The following TRIP12 variants were observed in gnomAD, a reference collection of about 807,000 sequenced individuals.
TRIP12 encodes the protein E3 ubiquitin-protein ligase TRIP12.
A neutral mutation model predicts 244.2 loss-of-function variants in TRIP12; 25 were observed. The ratio of observed to expected loss-of-function variants is 0.10; its 90% CI spans 0.07 to 0.14. The LOEUF is 0.14. TRIP12 is among the 10% of genes least tolerant of loss of function. TRIP12 has a pLI of 1.00. For synonymous variants in TRIP12, 905 were observed against 873.1 expected, an observed-to-expected ratio of 1.04 and a Z score of -0.64; for missense variants, 1,677 against 2,486.4, an observed-to-expected ratio of 0.67 and a Z score of 6.92.
chr2:229,813,553 G>A (rs1348041838), intron 13 of TRIP12, among the ~76,000 whole-genome samples: 1 of 152,192 alleles, frequency 6.6e-6, no homozygotes, highest in East Asian at 1.9e-4. Context: ...GGGGGCTGAG[G>A]TGGGTGGATC....
chr2:229,791,262 A>G lies in TRIP12; in HGVS notation c.4416-11T>C, dbSNP rs2041450239. Reference sequence around the variant, plus strand: ...CTCACAGGTTTATACCTAAAATGACAAGACAGTATATAAACCAAATGTAGA... The same window carrying G: ...CTCACAGGTTTATACCTAAAATGACGAGACAGTATATAAACCAAATGTAGA... On this transcript the variant is annotated splice_polypyrimidine_tract_variant and intron_variant, in intron 29 of 41. Transcript: ENST00000675903. The G allele has an allele frequency of 6.2e-7, 1 of 1,613,704 alleles. No homozygotes were observed. Among genetic ancestry groups the G allele is most frequent in the African/African-American group, 1.3e-5 (1 of 74,900 alleles).
chr2:229,800,219 T>C (rs2043919709), intron 21 of TRIP12, among the ~76,000 whole-genome samples: 1 of 152,196 alleles, frequency 6.6e-6, no homozygotes, highest in Admixed American at 6.5e-5. Context: ...ACTAAATAAA[T>C]GCATTTATGA....
At chr2:229,771,710 G>T in intron 38 of TRIP12, 78 bp from the exon 39 acceptor site, 1 of 998,500 alleles carries the variant, frequency 1.0e-6, no homozygotes, top group Non-Finnish European at 1.6e-6. Context: ...AAAGTACAGT[G>T]AAACACCCTT....
At chr2:229,785,960 G>C in intron 33 of TRIP12, 105 bp from the exon 34 acceptor site, 1 of 998,434 alleles carries the variant, frequency 1.0e-6, no homozygotes, top group East Asian at 2.6e-5. Context: ...CAACTCAATT[G>C]TTAACACTTA....
chr2:229,888,617 A>C (rs1272311485), intron 1 of TRIP12, among the ~76,000 whole-genome samples: 1 of 152,102 alleles, frequency 6.6e-6, no homozygotes, highest in Non-Finnish European at 1.5e-5. Flanking sequence ...CAGCCTGGGC[A>C]ACATGGCAAA....
chr2:229,780,803 G>GT (rs1256390195), intron 34 of TRIP12, among the ~76,000 whole-genome samples: 1 of 152,180 alleles, frequency 6.6e-6, no homozygotes, highest in Non-Finnish European at 1.5e-5. Context: ...GAATGTGTGT[G>GT]TATGTATTGG....
At position 229,903,010 on chromosome 2, in the gene TRIP12, CTTT is replaced by C. The variant is rs796575993; in HGVS notation, c.-50+18867_-50+18869del. ...TGTGTGCGGGTTTTTTTTTCTTTTT[CTTT>C]TTTTCTTTTTTTTTTTTTTTTTTGC... On this transcript the variant is annotated intron_variant, in intron 1 of 41. Coordinates refer to ENST00000675903, the MANE Select transcript of TRIP12 (RefSeq NM_001348323.3). Among the ~76,000 whole-genome samples, 180 of 25,644 alleles carry C rather than the reference CTTT, an allele frequency of 7.0e-3. 1 individual carries two copies. The highest frequency in any genetic ancestry group is 0.016 in the South Asian group (9 of 550). 16.8% of individuals were successfully genotyped at this position (25,644 alleles called of 152,430 possible).
chr2:229,830,846 G>T lies in TRIP12; in HGVS notation c.1271-7C>A, dbSNP rs1388460148. The T allele has an allele frequency of 6.2e-7, 1 of 1,613,896 alleles. No individual in the cohort carries two copies. The highest frequency in any genetic ancestry group is 1.3e-5 in the African/African-American group (1 of 74,934). ...CCTGCAACAGAACTAGAGGCTTGGG[G>T]TGGAGGGGAAAGATGAGGGTTAGGA... On this transcript the variant is annotated splice_region_variant and splice_polypyrimidine_tract_variant and intron_variant, in intron 6 of 41. Transcript: ENST00000675903.
chr2:229,849,863 A>G (rs190212101), intron 4 of TRIP12, among the ~76,000 whole-genome samples: 6 of 152,204 alleles, frequency 3.9e-5, no homozygotes, highest in Non-Finnish European at 8.8e-5. Context: ...AAGGTCTTAT[A>G]TAACTCTTTC....
At chr2:229,897,861 C>T (rs921088069) in intron 1 of TRIP12, among the ~76,000 whole-genome samples, 2 of 152,170 alleles carry the variant, frequency 1.3e-5, no homozygotes, top group African/African-American at 4.8e-5. Context: ...CCTATGAATG[C>T]TGCAACATAA....
At chr2:229,784,795 T>C (rs766986087) in intron 34 of TRIP12, among the ~76,000 whole-genome samples, 2 of 152,208 alleles carry the variant, frequency 1.3e-5, no homozygotes, top group Non-Finnish European at 2.9e-5. Flanking sequence ...TGAGAAGCAA[T>C]TGAACTCGCA....
At chr2:229,900,136 A>T (rs1422198257) in intron 1 of TRIP12, among the ~76,000 whole-genome samples, 1 of 152,250 alleles carries the variant, frequency 6.6e-6, no homozygotes, top group Non-Finnish European at 1.5e-5. Flanking sequence ...ACTGTTATAC[A>T]AAGGAAGCTC....
chr2:229,796,161 G>A (rs1271779321), intron 25 of TRIP12, among the ~76,000 whole-genome samples: 2 of 152,168 alleles, frequency 1.3e-5, no homozygotes, highest in African/African-American at 2.4e-5. Flanking sequence ...GTCATTAAGC[G>A]CCCTTGATTG....
chr2:229,771,742 A>G, intron 38 of TRIP12, 110 bp from the exon 39 acceptor site: 1 of 718,082 alleles, frequency 1.4e-6, no homozygotes, highest in Non-Finnish European at 2.3e-6. Flanking sequence ...TATAAAGAAC[A>G]AACAAGTTAT....
Position 229,917,419 on chromosome 2 carries a change from A to T in TRIP12, c.-50+4461T>A, listed in dbSNP as rs796258344. Reference sequence around the variant, plus strand: ...AAAAAAAAAAAAAAAAAAAAAAAAAATTACCAAGCACTAAGATTATATACA... The same window carrying T: ...AAAAAAAAAAAAAAAAAAAAAAAAATTTACCAAGCACTAAGATTATATACA... On this transcript the variant is annotated intron_variant, in intron 1 of 41. Transcript: ENST00000675903. 9.2e-5 allele frequency among the ~76,000 whole-genome samples: 13 copies of T among 140,996 alleles called. No homozygotes were observed. In the East Asian group the frequency reaches 2.5e-3, roughly 27 times the overall value. The allele number at this position is 140,996 out of a possible 152,430, so 92.5% of individuals were successfully genotyped here.
intron 8 of TRIP12, among the ~76,000 whole-genome samples, chr2:229,827,274 C>T (rs576147569): frequency 2.0e-5 from 3 of 149,452 alleles, no homozygotes; most frequent in South Asian, 2.1e-4. Flanking sequence ...AGCAAAACTC[C>T]GTCTCAAAAA....
In TRIP12 at chr2:229,764,658, C is replaced by CA. The variant is rs1316413916; in HGVS notation, c.*2895dup. 2.0e-5 allele frequency: 3 copies of CA among 152,230 alleles called. No homozygotes were observed. Among genetic ancestry groups the CA allele is most frequent in the African/African-American group, 7.2e-5 (3 of 41,466 alleles). The allele number at this position is 152,230 out of a possible 1,614,324, so 9.4% of individuals were successfully genotyped here. On this transcript the variant is annotated 3_prime_UTR_variant, in exon 42 of 42. Coordinates refer to ENST00000675903, the MANE Select transcript of TRIP12 (RefSeq NM_001348323.3). ...CGCGACAGTCCTCAGTGTGGAAAAT[C>CA]AAGAGTTGTGGATCTAATTTCTTGG...
Position 229,796,765 on chromosome 2 carries a change from C to T in TRIP12, c.3642G>A (p.Glu1214=), listed in dbSNP as rs766787300. Reference sequence around the variant, plus strand: ...CTATGCTACGGATTTCTACAAGGCACTCAGCTCCACCATCCACCTGAAAGA... The same window carrying T: ...CTATGCTACGGATTTCTACAAGGCATTCAGCTCCACCATCCACCTGAAAGA... ...QLNLQVDGGA[E]CLVEIRSIVS... Residue 1214 remains glutamate, a synonymous_variant, in exon 25 of 42, where the codon GAG becomes GAA. Transcript: ENST00000675903. The T allele has an allele frequency of 3.2e-6, 5 of 1,586,270 alleles. No homozygotes were observed. Among genetic ancestry groups the T allele is most frequent in the Non-Finnish European group, 4.3e-6 (5 of 1,170,068 alleles).
At chr2:229,865,221 G>A (rs1444622046) in intron 2 of TRIP12, among the ~76,000 whole-genome samples, 1 of 150,500 alleles carries the variant, frequency 6.6e-6, no homozygotes, top group Non-Finnish European at 1.5e-5. Flanking sequence ...CTGGGGTGGG[G>A]AAGATCACTC....
Sources: gnomAD v4.1 joint callset for allele counts (sites outside exome capture counted in the v4.1 genomes callset) on GRCh38, gnomAD v4.1.1 for gene constraint, MANE v1.5 for transcripts, NCBI Gene and HGNC (gene_info 2026-07-23, HGNC 2026-07-21) for gene names.